Variants in TMC1 observed in about 807,000 individuals in gnomAD.
TMC1 encodes transmembrane channel like 1, also known as transmembrane channel-like protein 1.
TMC1 carries 84 observed loss-of-function variants against 105.8 expected under a neutral mutation model. The ratio of observed to expected loss-of-function variants is 0.79; its 90% CI spans 0.67 to 0.95. The LOEUF (loss-of-function observed/expected upper bound fraction) is 0.95, where lower values mean the gene tolerates loss of function less well. Among genes scored for constraint, TMC1 ranks in the 40% least tolerant of loss-of-function variants. TMC1 has a pLI of 0.00. For missense variants in TMC1, 817 were observed against 914.1 expected (o/e 0.89, Z 1.37); for synonymous variants, 315 against 311.5 (o/e 1.01, Z -0.12).
intron 2 of TMC1, among the ~76,000 whole-genome samples, chr9:72,600,997 C>T (rs1308837479): frequency 6.6e-6 from 1 of 152,134 alleles, no homozygotes; most frequent in Non-Finnish European, 1.5e-5. Context: ...TTTTGTTAGG[C>T]AGTTTCTGTG....
At chr9:72,821,115 T>C (rs1000074859) in intron 20 of TMC1, 34 bp downstream of exon 20, 2 of 1,613,916 alleles carry the variant, frequency 1.2e-6, no homozygotes, top group African/African-American at 2.7e-5. Context: ...TCAGGCATCG[T>C]GTTCTTTCGG....
chr9:72,564,563 G>A (rs1342833276), intron 1 of TMC1, among the ~76,000 whole-genome samples: 4 of 152,172 alleles, frequency 2.6e-5, no homozygotes. Flanking sequence ...AATGTTTGAT[G>A]TGCCTGACAG....
intron 2 of TMC1, among the ~76,000 whole-genome samples, chr9:72,596,798 C>T (rs1389117857): frequency 1.3e-5 from 2 of 151,866 alleles, no homozygotes; most frequent in Admixed American, 1.3e-4. Context: ...GCTTTCATTC[C>T]CCCTGGAAGA....
chr9:72,546,968 T>C (rs567977276), intron 1 of TMC1, among the ~76,000 whole-genome samples: 2 of 152,306 alleles, frequency 1.3e-5, no homozygotes, highest in South Asian at 4.2e-4. Flanking sequence ...ATCTTCAGCA[T>C]GGTCCATCCG....
At chr9:72,828,462 G>A (rs571085644) in intron 21 of TMC1, among the ~76,000 whole-genome samples, 11 of 151,990 alleles carry the variant, frequency 7.2e-5, no homozygotes, top group African/African-American at 1.9e-4. Context: ...GTCAGATTTC[G>A]TTACCATATT....
chr9:72,806,938 GC>G (rs1272787556), intron 18 of TMC1, among the ~76,000 whole-genome samples: 1 of 152,208 alleles, frequency 6.6e-6, no homozygotes, highest in Non-Finnish European at 1.5e-5. Flanking sequence ...GTTGTAGCGA[GC>G]CGAGATCACG....
chr9:72,678,003 A>G (rs1010720153), intron 5 of TMC1, among the ~76,000 whole-genome samples: 3 of 152,128 alleles, frequency 2.0e-5, no homozygotes, highest in Admixed American at 6.6e-5. Context: ...ATTTGGATCT[A>G]CGTACATGTT....
chr9:72,524,426 T>A (rs907411087), intron 1 of TMC1, among the ~76,000 whole-genome samples: 2 of 152,238 alleles, frequency 1.3e-5, no homozygotes, highest in Non-Finnish European at 2.9e-5. Flanking sequence ...GACCAATGTT[T>A]ATTAGATAAA....
At position 72,751,908 on chromosome 9, in the gene TMC1, C is replaced by A. The variant is rs1817900949; in HGVS notation, c.594C>A (p.Val198=). 2.5e-6 allele frequency: 4 copies of A among 1,613,454 alleles called. No homozygotes were observed. The South Asian group carries it at 3.3e-5, about 13-fold the overall frequency. The change falls in exon 11 of 24, where the codon GTC becomes GTA. Residue 198 remains valine, a synonymous_variant. Coordinates refer to ENST00000297784, the MANE Select transcript of TMC1 (RefSeq NM_138691.3). ...YFLFLRWMYG[V]NMVLFILTFS... is the part of the protein sequence containing the mutation. Reference sequence around the variant, plus strand: ...TCTTCTTGAGATGGATGTATGGAGTCAATATGGTTCTCTTTATCCTGACAT... The same window carrying A: ...TCTTCTTGAGATGGATGTATGGAGTAAATATGGTTCTCTTTATCCTGACAT...
intron 8 of TMC1, among the ~76,000 whole-genome samples, chr9:72,710,796 A>G (rs887741425): frequency 6.6e-6 from 1 of 151,742 alleles, no homozygotes; most frequent in African/African-American, 2.4e-5. Flanking sequence ...CTTTTTTTTT[A>G]AATTATACTT....
At chr9:72,546,511 A>C (rs762199116) in intron 1 of TMC1, among the ~76,000 whole-genome samples, 42 of 152,182 alleles carry the variant, frequency 2.8e-4, no homozygotes, top group Non-Finnish European at 5.0e-4. Flanking sequence ...ATATTTTGTT[A>C]TTGCTGCTGG....
Position 72,616,378 on chromosome 9 carries a change from A to T in TMC1, c.-295A>T, listed in dbSNP as rs1391656977. On this transcript the variant is annotated 5_prime_UTR_variant, in exon 3 of 24. Coordinates refer to ENST00000297784, the MANE Select transcript of TMC1 (RefSeq NM_138691.3). ...CCTTTATAATTCCAGGCCATGAAAGATCACTGTTTTAGTCTGCGTGGTGCA... is the reference window on the plus strand; with the variant it reads ...CCTTTATAATTCCAGGCCATGAAAGTTCACTGTTTTAGTCTGCGTGGTGCA... The T allele has an allele frequency of 2.0e-5, 3 of 152,126 alleles. No individual in the cohort carries two copies. The highest frequency in any genetic ancestry group is 4.4e-5 in the Non-Finnish European group (3 of 68,040). The allele number at this position is 152,126 out of a possible 1,614,324, so 9.4% of individuals were successfully genotyped here.
chr9:72,564,592 A>G (rs924524592), intron 1 of TMC1, among the ~76,000 whole-genome samples: 4 of 152,224 alleles, frequency 2.6e-5, no homozygotes, highest in East Asian at 1.9e-4. Flanking sequence ...TTCAAAACAG[A>G]TAATAGGATA....
At chr9:72,834,619 T>C (rs935604620) in intron 23 of TMC1, among the ~76,000 whole-genome samples, 9 of 152,212 alleles carry the variant, frequency 5.9e-5, no homozygotes, top group Admixed American at 5.9e-4. Flanking sequence ...ACAACACGGG[T>C]GGGGCTCAGC....
chr9:72,587,027 G>A (rs1476131505), intron 2 of TMC1, among the ~76,000 whole-genome samples: 3 of 152,264 alleles, frequency 2.0e-5, no homozygotes, highest in South Asian at 2.1e-4. Flanking sequence ...TGGTACTACC[G>A]GCATCTAGTG....
At chr9:72,775,023 A>G (rs932666809) in intron 13 of TMC1, among the ~76,000 whole-genome samples, 4 of 152,196 alleles carry the variant, frequency 2.6e-5, no homozygotes, top group African/African-American at 9.7e-5. Flanking sequence ...GCAAATATCT[A>G]TTTTTAGTTA....
chr9:72,700,092 T>G (rs547440723), intron 7 of TMC1, among the ~76,000 whole-genome samples: 2 of 150,518 alleles, frequency 1.3e-5, no homozygotes, highest in South Asian at 4.2e-4. Context: ...CCATCTCTAT[T>G]AAAAATATAA....
chr9:72,721,580 A>G (rs558728461), intron 8 of TMC1, among the ~76,000 whole-genome samples: 2 of 152,282 alleles, frequency 1.3e-5, no homozygotes, highest in East Asian at 3.9e-4. Flanking sequence ...GAAAAATTAT[A>G]ATTTCTTCCC....
At chr9:72,789,026 A>G (rs1181743784) in intron 14 of TMC1, 97 bp from the exon 15 acceptor site, 1 of 1,202,554 alleles carries the variant, frequency 8.3e-7, no homozygotes, top group African/African-American at 1.5e-5. Context: ...CATTCTGATG[A>G]TTGTAAAAAT....
Sources: allele counts gnomAD v4.1 joint callset (sites outside exome capture counted in the v4.1 genomes callset), GRCh38; gene constraint gnomAD v4.1.1; transcripts MANE v1.5; gene names NCBI Gene and HGNC (gene_info 2026-07-23, HGNC 2026-07-21).